TPRG1: variants seen among roughly 807,000 people sequenced by gnomAD.
The protein encoded by TPRG1 is tumor protein p63-regulated gene 1 protein.
A neutral mutation model predicts 29.3 loss-of-function variants in TPRG1; 29 were observed. The observed-to-expected ratio is 0.99, with a 90% CI of 0.74 to 1.35. The LOEUF (loss-of-function observed/expected upper bound fraction) is 1.35, where lower values mean the gene tolerates loss of function less well. Ranked by LOEUF, TPRG1 falls within the 40% of genes most tolerant of loss-of-function variation. TPRG1 has a pLI of 0.00. For synonymous variants in TPRG1, 130 were observed against 116.8 expected, an observed-to-expected ratio of 1.11 and a Z score of -0.73; for missense variants, 327 against 335.0, an observed-to-expected ratio of 0.98 and a Z score of 0.19.
At chr3:189,302,594 C>T (rs527440424) in intron 4 of TPRG1, among the ~76,000 whole-genome samples, 1 of 152,220 alleles carries the variant, frequency 6.6e-6, no homozygotes, top group South Asian at 2.1e-4. Context: ...ACTTTTAATC[C>T]TAGGATGACA....
intron 4 of TPRG1, among the ~76,000 whole-genome samples, chr3:189,068,779 AAAG>A (rs1304442435): frequency 6.6e-6 from 1 of 151,214 alleles, no homozygotes; most frequent in Non-Finnish European, 1.5e-5. Flanking sequence ...CTGTCTCAAA[AAAG>A]AGAAAAAGGA....
intron 2 of TPRG1, among the ~76,000 whole-genome samples, chr3:189,130,015 T>C (rs1208411137): frequency 1.3e-5 from 2 of 152,178 alleles, no homozygotes; most frequent in East Asian, 3.8e-4. Context: ...CTCAGCTGAA[T>C]GTTGAACTGA....
intron 4 of TPRG1, among the ~76,000 whole-genome samples, chr3:189,074,974 G>C (rs1187829333): frequency 1.3e-5 from 2 of 151,780 alleles, no homozygotes; most frequent in Non-Finnish European, 2.9e-5. Flanking sequence ...ACCACGCCCG[G>C]CTAATTTTTT....
intron 5 of TPRG1, among the ~76,000 whole-genome samples, chr3:189,314,141 T>C (rs1315492570): frequency 6.6e-6 from 1 of 152,184 alleles, no homozygotes; most frequent in African/African-American, 2.4e-5. Context: ...ATTAATTTGA[T>C]TGAAGAAAAC....
chr3:189,287,967 T>A (rs1321890700), intron 4 of TPRG1, among the ~76,000 whole-genome samples: 2 of 151,902 alleles, frequency 1.3e-5, no homozygotes, highest in African/African-American at 2.4e-5. Context: ...GAATTTTAAT[T>A]TTTAAATTAA....
At chr3:189,186,632 G>C (rs944736159) in intron 1 of TPRG1, among the ~76,000 whole-genome samples, 1 of 151,946 alleles carries the variant, frequency 6.6e-6, no homozygotes, top group Non-Finnish European at 1.5e-5. Flanking sequence ...TAAATGACCT[G>C]TAAGAGCTCC....
intron 4 of TPRG1, among the ~76,000 whole-genome samples, chr3:189,029,462 G>A (rs748732812): frequency 6.6e-6 from 1 of 152,100 alleles, no homozygotes. Flanking sequence ...TTTCATTATA[G>A]AACAGACAAA....
At chr3:189,154,981 G>A (rs148351151) in intron 5 of TPRG1, among the ~76,000 whole-genome samples, 621 of 152,318 alleles carry the variant, frequency 4.1e-3, no homozygotes, top group Non-Finnish European at 6.4e-3. Flanking sequence ...CCTGAAGGAA[G>A]TAAGGGAATG....
At chr3:189,089,626 C>T (rs1718204752) in intron 4 of TPRG1, among the ~76,000 whole-genome samples, 1 of 152,132 alleles carries the variant, frequency 6.6e-6, no homozygotes, top group South Asian at 2.1e-4. Context: ...CTATACAGAG[C>T]ATCACATGGT....
chr3:189,250,504 G>GC (rs35490260), intron 4 of TPRG1, among the ~76,000 whole-genome samples: 1,934 of 23,496 alleles, frequency 0.082, 195 homozygotes, highest in Non-Finnish European at 0.096. Context: ...TCTGATTTCC[G>GC]CCCCCCCCCC....
At chr3:189,113,948 A>G (rs1328069690) in intron 1 of TPRG1, among the ~76,000 whole-genome samples, 2 of 137,750 alleles carry the variant, frequency 1.5e-5, no homozygotes, top group East Asian at 4.3e-4. Context: ...ATAAAATAAA[A>G]TAAAGTGTTC....
chr3:189,262,729 G>T (rs1713344182), intron 4 of TPRG1, among the ~76,000 whole-genome samples: 1 of 152,228 alleles, frequency 6.6e-6, no homozygotes, highest in Admixed American at 6.5e-5. Context: ...TGGGGGTCAG[G>T]AATATGGATA....
chr3:189,062,042 C>T (rs951705197), intron 4 of TPRG1, among the ~76,000 whole-genome samples: 14 of 152,128 alleles, frequency 9.2e-5, no homozygotes, highest in African/African-American at 3.4e-4. Flanking sequence ...AACTTAAATG[C>T]CCACCAATGA....
At chr3:189,057,794 G>A (rs1208709161) in intron 4 of TPRG1, among the ~76,000 whole-genome samples, 2 of 142,036 alleles carry the variant, frequency 1.4e-5, no homozygotes, top group Admixed American at 1.4e-4. Context: ...GTATATTTAT[G>A]GGTATGTATG....
chr3:189,150,119 G>T lies in TPRG1; in HGVS notation c.-226-537G>T, dbSNP rs189813662. Among the ~76,000 whole-genome samples the T allele has an allele frequency of 9.8e-4, 149 of 152,316 alleles. 1 individual carries two copies. The highest frequency in any genetic ancestry group is 5.3e-4 in the Non-Finnish European group (36 of 68,018). On this transcript the variant is annotated intron_variant, in intron 4 of 6. Transcript: ENST00000412373. ...TTTTATTACAGCAAATGGAAATGCAGTTCTGCTTACTACCTTTGATGAAGA... is the reference window on the plus strand; with the variant it reads ...TTTTATTACAGCAAATGGAAATGCATTTCTGCTTACTACCTTTGATGAAGA...
At chr3:189,134,107 G>A (rs1723432923) in intron 3 of TPRG1, among the ~76,000 whole-genome samples, 1 of 152,084 alleles carries the variant, frequency 6.6e-6, no homozygotes, top group South Asian at 2.1e-4. Flanking sequence ...CAAGGTCCCA[G>A]CCCTTGGTCT....
At position 189,321,116 on chromosome 3, in the gene TPRG1, G is replaced by T; in HGVS notation, c.*296G>T. ...ATCAACTCAGGAAAGAAGACTCTAA[G>T]TCCTGTTGCTTCAGCTCTCTAAATG... On this transcript the variant is annotated 3_prime_UTR_variant, in exon 6 of 6. Coordinates refer to ENST00000345063, the MANE Select transcript of TPRG1 (RefSeq NM_198485.4). 5.0e-6 allele frequency: 1 copy of T among 200,396 alleles called. No individual in the cohort carries two copies. Among genetic ancestry groups the T allele is most frequent in the Non-Finnish European group, 9.7e-6 (1 of 102,622 alleles). 12.4% of individuals were successfully genotyped at this position (200,396 alleles called of 1,614,324 possible). A position where few individuals can be genotyped will look rare whatever the true frequency, so the allele number is the denominator to read the frequency against.
intron 4 of TPRG1, among the ~76,000 whole-genome samples, chr3:189,056,026 TCCC>T (rs1715650717): frequency 1.2e-4 from 9 of 73,862 alleles, no homozygotes; most frequent in Admixed American, 1.1e-3. Flanking sequence ...CTCCCTTCCC[TCCC>T]TCCCTTCCTT....
intron 3 of TPRG1, among the ~76,000 whole-genome samples, chr3:189,018,427 C>A (rs62291211): frequency 2.1e-5 from 3 of 145,518 alleles, no homozygotes; most frequent in East Asian, 2.0e-4. Flanking sequence ...AGGAAGGAAT[C>A]CAGTTTCAGC....
Sources: gnomAD v4.1 joint callset for allele counts (sites outside exome capture counted in the v4.1 genomes callset) on GRCh38, gnomAD v4.1.1 for gene constraint, MANE v1.5 for transcripts, NCBI Gene and HGNC (gene_info 2026-07-23, HGNC 2026-07-21) for gene names.